The following SRGAP3 variants were observed in gnomAD, a reference collection of about 807,000 sequenced individuals.
SRGAP3 encodes SLIT-ROBO Rho GTPase activating protein 3, also known as SLIT-ROBO Rho GTPase-activating protein 3.
SRGAP3 carries 39 observed loss-of-function variants against 121.1 expected under a neutral mutation model. The ratio of observed to expected loss-of-function variants is 0.32; its 90% CI spans 0.25 to 0.42. The LOEUF is 0.42. Ranked by LOEUF, SRGAP3 falls within the 10% of genes least tolerant of loss-of-function variation. SRGAP3 has a pLI of 1.00. For synonymous variants in SRGAP3, 601 were observed against 570.0 expected, an observed-to-expected ratio of 1.05 and a Z score of -0.77; for missense variants, 1,213 against 1,470.6, an observed-to-expected ratio of 0.82 and a Z score of 2.86.
intron 10 of SRGAP3, among the ~76,000 whole-genome samples, chr3:9,042,038 T>C (rs1945036933): frequency 6.7e-6 from 1 of 149,496 alleles, no homozygotes; most frequent in South Asian, 2.1e-4. Flanking sequence ...GAGTTGGAGG[T>C]TACAATAAGC....
rs73811434 is a variant in SRGAP3 at position 9,128,699 on chromosome 3, A to G, written c.68-3782T>C. ...ATATTAGAAATAACCCAAAATGTCT[A>G]GTAAGAATAGAATGGATTTTTTGAA... On this transcript the variant is annotated intron_variant, in intron 1 of 21. Coordinates refer to ENST00000383836, the MANE Select transcript of SRGAP3 (RefSeq NM_014850.4). 2.9e-3 allele frequency among the ~76,000 whole-genome samples: 441 copies of G among 152,366 alleles called. 2 individuals are homozygous for G. The highest frequency in any genetic ancestry group is 9.9e-3 in the African/African-American group (410 of 41,586).
chr3:8,995,283 G>T (rs918148723), intron 18 of SRGAP3, among the ~76,000 whole-genome samples: 1 of 152,066 alleles, frequency 6.6e-6, no homozygotes, highest in Non-Finnish European at 1.5e-5. Context: ...ACCAGCCTGG[G>T]CAATATAGTG....
intron 4 of SRGAP3, among the ~76,000 whole-genome samples, chr3:9,076,748 T>C (rs1452540521): frequency 7.1e-6 from 1 of 141,470 alleles, no homozygotes; most frequent in African/African-American, 2.5e-5. Flanking sequence ...CACATGTGCA[T>C]CTCCCTCAAC....
intron 9 of SRGAP3, among the ~76,000 whole-genome samples, chr3:9,052,780 T>C (rs1291274367): frequency 1.3e-5 from 2 of 152,242 alleles, no homozygotes; most frequent in Non-Finnish European, 2.9e-5. Context: ...TCTCTGGTTT[T>C]TTTCTAGAGC....
intron 9 of SRGAP3, among the ~76,000 whole-genome samples, chr3:9,052,050 G>A (rs994405334): frequency 1.3e-5 from 2 of 152,278 alleles, no homozygotes; most frequent in Admixed American, 6.5e-5. Context: ...ACCACTGCTC[G>A]GAGTCTCACC....
chr3:9,292,442 T>A (rs1469035855), intron 3 of SRGAP3: 2 of 152,180 alleles, frequency 1.3e-5, no homozygotes, highest in Non-Finnish European at 2.9e-5. Context: ...CTATCCACCT[T>A]ACACTTCCAA....
intron 5 of SRGAP3, 54 bp downstream of exon 5, chr3:9,064,342 C>T (rs1946319328): frequency 1.2e-6 from 2 of 1,611,432 alleles, no homozygotes; most frequent in Non-Finnish European, 1.7e-6. Context: ...AAGACCATGG[C>T]CCTCCCCTTT....
chr3:9,348,816 T>G (rs2029893909), intron 1 of SRGAP3: 2 of 1,366,736 alleles, frequency 1.5e-6, no homozygotes, highest in Admixed American at 1.7e-5. Flanking sequence ...CCACCTCTAA[T>G]GGAGCCCGAC....
At position 9,069,556 on chromosome 3, in the gene SRGAP3, G is replaced by A. The variant is rs538010951; in HGVS notation, c.487-4975C>T. ...TAGGGATGTGTCAGTTAAGACCACTGTTCTTGGACCAAGTTCAGTTGCATG... is the reference window on the plus strand; with the variant it reads ...TAGGGATGTGTCAGTTAAGACCACTATTCTTGGACCAAGTTCAGTTGCATG... On this transcript the variant is annotated intron_variant, in intron 4 of 21. Transcript: ENST00000383836. Among the ~76,000 whole-genome samples the A allele has an allele frequency of 1.2e-4, 18 of 152,226 alleles. 1 individual carries two copies. Among genetic ancestry groups the A allele is most frequent in the Non-Finnish European group, 2.4e-4 (16 of 68,044 alleles).
At chr3:9,025,723 C>A (rs1420746212) in intron 13 of SRGAP3, among the ~76,000 whole-genome samples, 2 of 151,958 alleles carry the variant, frequency 1.3e-5, no homozygotes, top group African/African-American at 2.4e-5. Flanking sequence ...CTTTTTTTTA[C>A]ATGTTTCTAC....
intron 9 of SRGAP3, among the ~76,000 whole-genome samples, chr3:9,050,479 A>C (rs1945513518): frequency 6.6e-6 from 1 of 152,248 alleles, no homozygotes; most frequent in Non-Finnish European, 1.5e-5. Context: ...GAATGTCCGC[A>C]AAATAAAGAA....
At chr3:9,142,829 CTTT>C (rs397795766) in intron 1 of SRGAP3, among the ~76,000 whole-genome samples, 5 of 90,830 alleles carry the variant, frequency 5.5e-5, no homozygotes, top group African/African-American at 2.2e-4. Context: ...GGGCAATTTC[CTTT>C]TTTTTTTTTT....
chr3:9,142,729 G>A (rs2125036895), intron 1 of SRGAP3, among the ~76,000 whole-genome samples: 1 of 152,038 alleles, frequency 6.6e-6, no homozygotes, highest in East Asian at 1.9e-4. Flanking sequence ...TATGGGCCAA[G>A]CCCTGGGACT....
At chr3:9,240,343 A>T (rs533789368) in intron 1 of SRGAP3, among the ~76,000 whole-genome samples, 19 of 152,304 alleles carry the variant, frequency 1.2e-4, no homozygotes, top group African/African-American at 4.3e-4. Context: ...GCCCTGTATT[A>T]AGCCAGAAGT....
At chr3:9,014,648 T>C (rs1021695252) in intron 15 of SRGAP3, 7 of 152,432 alleles carry the variant, frequency 4.6e-5, no homozygotes, top group African/African-American at 1.7e-4. Flanking sequence ...GCTTGTAGTA[T>C]GGAGGTCTGG....
At chr3:9,361,995 T>TA (rs1442521367) in intron 1 of SRGAP3, among the ~76,000 whole-genome samples, 1 of 152,068 alleles carries the variant, frequency 6.6e-6, no homozygotes, top group East Asian at 1.9e-4. Flanking sequence ...GCTCCTTTCA[T>TA]AAATATTCGT....
chr3:9,335,343 T>G (rs1233019625), intron 1 of SRGAP3, among the ~76,000 whole-genome samples: 1 of 152,234 alleles, frequency 6.6e-6, no homozygotes, highest in Non-Finnish European at 1.5e-5. Flanking sequence ...TTTATATGTG[T>G]GTATAAATCT....
At chr3:9,272,210 A>T (rs1305016413) in intron 3 of SRGAP3, among the ~76,000 whole-genome samples, 1 of 152,230 alleles carries the variant, frequency 6.6e-6, no homozygotes, top group Non-Finnish European at 1.5e-5. Context: ...TTTTTAAGTG[A>T]GTAATCACTT....
At chr3:9,179,819 G>A (rs1285654092) in intron 1 of SRGAP3, among the ~76,000 whole-genome samples, 3 of 152,256 alleles carry the variant, frequency 2.0e-5, no homozygotes, top group Non-Finnish European at 2.9e-5. Flanking sequence ...AAGACGTAGA[G>A]GTCAAGCGAC....
Sources: allele counts gnomAD v4.1 joint callset (sites outside exome capture counted in the v4.1 genomes callset), GRCh38; gene constraint gnomAD v4.1.1; transcripts MANE v1.5; gene names NCBI Gene and HGNC (gene_info 2026-07-23, HGNC 2026-07-21).